RNGTT: variants seen among roughly 807,000 people sequenced by gnomAD.
RNGTT encodes the protein mRNA-capping enzyme.
RNGTT carries 33 observed loss-of-function variants against 79.3 expected under a neutral mutation model. That is an observed-to-expected ratio of 0.42 (90% CI 0.32 to 0.56). RNGTT has a LOEUF of 0.56. Among genes scored for constraint, RNGTT ranks in the 20% least tolerant of loss-of-function variants. The pLI is 0.17. For missense variants in RNGTT, 497 were observed against 739.1 expected (o/e 0.67, Z 3.80); for synonymous variants, 222 against 235.9 (o/e 0.94, Z 0.54).
rs552521891 is a variant in RNGTT, at chr6:88,796,012, T to C, written c.1338+5552A>G. ...AAATGGGAAACAATAAATCAATATA[T>C]CTATACCTGCACTATCTACTTACAC... is the stretch of plus-strand genomic sequence containing the variant. On this transcript the variant is annotated intron_variant, in intron 12 of 15. Transcript: ENST00000369485. Among the ~76,000 whole-genome samples, 3 of 152,276 alleles carry C rather than the reference T, an allele frequency of 2.0e-5. No homozygotes were observed. The East Asian group carries it at 5.8e-4, about 29-fold the overall frequency.
chr6:88,807,138 C>G (rs1779985109), intron 11 of RNGTT, among the ~76,000 whole-genome samples: 1 of 152,118 alleles, frequency 6.6e-6, no homozygotes. Flanking sequence ...CTAATGGATG[C>G]TGAATTAATA....
At chr6:88,654,050 C>T (rs1192959394) in intron 14 of RNGTT, among the ~76,000 whole-genome samples, 1 of 152,156 alleles carries the variant, frequency 6.6e-6, no homozygotes, top group African/African-American at 2.4e-5. Context: ...CTGTATGACT[C>T]GTTAGTAATC....
chr6:88,951,001 G>A (rs1186596376), intron 1 of RNGTT, among the ~76,000 whole-genome samples: 5 of 151,958 alleles, frequency 3.3e-5, no homozygotes, highest in Non-Finnish European at 5.9e-5. Flanking sequence ...TGGGTTTACA[G>A]GTGCCTGCCA....
chr6:88,647,715 A>AG (rs1554200968), intron 14 of RNGTT, among the ~76,000 whole-genome samples: 16 of 142,510 alleles, frequency 1.1e-4, no homozygotes, highest in Middle Eastern at 3.5e-3. Context: ...AAAAAAAAAA[A>AG]AAGAAGAAGA....
At chr6:88,712,327 A>G (rs78956355) in intron 13 of RNGTT, among the ~76,000 whole-genome samples, 1 of 152,196 alleles carries the variant, frequency 6.6e-6, no homozygotes, top group African/African-American at 2.4e-5. Context: ...TTTTTTAAAA[A>G]TAGAGTCCCA....
intron 13 of RNGTT, among the ~76,000 whole-genome samples, chr6:88,750,806 C>T (rs150134741): frequency 6.6e-6 from 1 of 152,072 alleles, no homozygotes; most frequent in Non-Finnish European, 1.5e-5. Context: ...CCTTCTTGGT[C>T]CTATTACTAA....
chr6:88,692,242 T>C (rs971981154), intron 13 of RNGTT, among the ~76,000 whole-genome samples: 3 of 152,160 alleles, frequency 2.0e-5, no homozygotes, highest in African/African-American at 7.2e-5. Context: ...GAAAGAAGAA[T>C]GCAAGCCTAT....
At chr6:88,724,581 C>T (rs1776822690) in intron 13 of RNGTT, among the ~76,000 whole-genome samples, 1 of 152,088 alleles carries the variant, frequency 6.6e-6, no homozygotes, top group African/African-American at 2.4e-5. Context: ...GAGATGGTTT[C>T]TGGATGAAAC....
intron 1 of RNGTT, among the ~76,000 whole-genome samples, chr6:88,961,376 T>C (rs1785617294): frequency 6.6e-6 from 1 of 152,196 alleles, no homozygotes; most frequent in African/African-American, 2.4e-5. Flanking sequence ...TGTACATATA[T>C]TTCCTATTAG....
intron 4 of RNGTT, among the ~76,000 whole-genome samples, chr6:88,912,883 G>A (rs530773192): frequency 6.2e-4 from 95 of 152,086 alleles, no homozygotes; most frequent in African/African-American, 2.2e-3. Context: ...CTCTGAAATT[G>A]AACCAGTTAT....
At chr6:88,753,009 T>G (rs1010846768) in intron 13 of RNGTT, among the ~76,000 whole-genome samples, 6 of 152,090 alleles carry the variant, frequency 3.9e-5, no homozygotes, top group Admixed American at 3.3e-4. Flanking sequence ...AAAAGCTTCT[T>G]GTAAAAATAA....
chr6:88,854,677 T>C (rs944322928), intron 8 of RNGTT, among the ~76,000 whole-genome samples: 4 of 152,210 alleles, frequency 2.6e-5, no homozygotes, highest in Non-Finnish European at 5.9e-5. Context: ...AATTAAAATA[T>C]TTTTAAACAC....
intron 6 of RNGTT, 101 bp from the exon 7 acceptor site, chr6:88,892,016 C>A: frequency 2.5e-6 from 2 of 798,826 alleles, no homozygotes; most frequent in South Asian, 2.2e-5. Flanking sequence ...AGTTTGTTCT[C>A]ACAAATCTTA....
chr6:88,729,379 C>T (rs2127818810), intron 13 of RNGTT, among the ~76,000 whole-genome samples: 1 of 142,302 alleles, frequency 7.0e-6, no homozygotes, highest in East Asian at 2.0e-4. Flanking sequence ...ATTTCATCAA[C>T]CAGAAAAAGA....
At chr6:88,832,878 C>A (rs933603194) in intron 11 of RNGTT, among the ~76,000 whole-genome samples, 1 of 152,118 alleles carries the variant, frequency 6.6e-6, no homozygotes, top group Non-Finnish European at 1.5e-5. Context: ...CAATGAGATA[C>A]CATCTCATGC....
chr6:88,872,839 G>A (rs1015451888), intron 8 of RNGTT, among the ~76,000 whole-genome samples: 8 of 152,144 alleles, frequency 5.3e-5, no homozygotes, highest in African/African-American at 1.9e-4. Context: ...ATTCACAGAT[G>A]GAGGTGCCTA....
At chr6:88,933,075 C>T (rs1784558078) in intron 2 of RNGTT, among the ~76,000 whole-genome samples, 1 of 152,124 alleles carries the variant, frequency 6.6e-6, no homozygotes, top group South Asian at 2.1e-4. Context: ...TCCCTCTTTC[C>T]CCCTTGGGTC....
intron 14 of RNGTT, among the ~76,000 whole-genome samples, chr6:88,622,359 C>T (rs1031094559): frequency 6.6e-6 from 1 of 151,986 alleles, no homozygotes; most frequent in South Asian, 2.1e-4. Flanking sequence ...AGTCAAATAT[C>T]CATCTAGTTT....
At chr6:88,704,595 A>G (rs1776069237) in intron 13 of RNGTT, among the ~76,000 whole-genome samples, 1 of 152,172 alleles carries the variant, frequency 6.6e-6, no homozygotes. Flanking sequence ...TTAATAAATC[A>G]TGGATACTCC....
Sources: gnomAD v4.1 joint callset for allele counts (sites outside exome capture counted in the v4.1 genomes callset) on GRCh38, gnomAD v4.1.1 for gene constraint, MANE v1.5 for transcripts, NCBI Gene and HGNC (gene_info 2026-07-23, HGNC 2026-07-21) for gene names.